FBXL4: variants seen among roughly 807,000 people sequenced by gnomAD.
FBXL4 encodes F-box/LRR-repeat protein 4.
FBXL4 carries 40 observed loss-of-function variants against 58.9 expected under a neutral mutation model. The ratio of observed to expected loss-of-function variants is 0.68; its 90% CI spans 0.53 to 0.88. FBXL4 has a LOEUF of 0.88. FBXL4 is among the 40% of genes least tolerant of loss of function. The pLI, the probability that FBXL4 is intolerant of heterozygous loss-of-function variation, is 0.00. For missense variants in FBXL4, 676 were observed against 734.4 expected, an observed-to-expected ratio of 0.92 and a Z score of 0.92; for synonymous variants, 263 against 265.5, an observed-to-expected ratio of 0.99 and a Z score of 0.09.
chr6:98,884,924 A>G (rs1770982525), intron 7 of FBXL4, among the ~76,000 whole-genome samples: 1 of 152,162 alleles, frequency 6.6e-6, no homozygotes, highest in African/African-American at 2.4e-5. Context: ...TTCCTTCCAG[A>G]GGTAGAGCTT....
chr6:98,918,189 CTTTAT>C (rs767091455), intron 4 of FBXL4, among the ~76,000 whole-genome samples: 13 of 152,088 alleles, frequency 8.5e-5, no homozygotes, highest in African/African-American at 1.7e-4. Flanking sequence ...ATCTTTTTCT[CTTTAT>C]TTTATCAAAT....
intron 2 of FBXL4, among the ~76,000 whole-genome samples, chr6:98,930,757 G>A (rs978153626): frequency 6.6e-6 from 1 of 152,098 alleles, no homozygotes; most frequent in African/African-American, 2.4e-5. Context: ...AAAACAGACA[G>A]ACAACTTTTT....
At chr6:98,913,511 T>C (rs1772190854) in intron 5 of FBXL4, among the ~76,000 whole-genome samples, 1 of 152,088 alleles carries the variant, frequency 6.6e-6, no homozygotes, top group Non-Finnish European at 1.5e-5. Flanking sequence ...ATTAAGAAAC[T>C]CACTCAAAAC....
In FBXL4 at chr6:98,883,559, T is replaced by C. The variant is rs571172002; in HGVS notation, c.1318-2935A>G. 3.3e-5 allele frequency among the ~76,000 whole-genome samples: 5 copies of C among 152,042 alleles called. No homozygotes were observed. The South Asian group carries it at 1.0e-3, about 32-fold the overall frequency. On this transcript the variant is annotated intron_variant, in intron 7 of 9. Coordinates refer to ENST00000369244, the MANE Select transcript of FBXL4 (RefSeq NM_001278716.2). Reference sequence around the variant, plus strand: ...AAATCAGAGTTTTAGAGTCTTTCTTTTTTGCACTTAGGTTTTTAACCCAAC... The same window carrying C: ...AAATCAGAGTTTTAGAGTCTTTCTTCTTTGCACTTAGGTTTTTAACCCAAC...
intron 7 of FBXL4, among the ~76,000 whole-genome samples, chr6:98,896,119 C>T (rs558561127): frequency 1.4e-4 from 22 of 152,228 alleles, no homozygotes; most frequent in Non-Finnish European, 2.6e-4. Context: ...CATTTGAAAT[C>T]AATTACTGCT....
At chr6:98,895,831 T>C (rs779914179) in intron 7 of FBXL4, among the ~76,000 whole-genome samples, 1 of 152,162 alleles carries the variant, frequency 6.6e-6, no homozygotes, top group African/African-American at 2.4e-5. Flanking sequence ...TAAAATGGCA[T>C]AAATATACTA....
intron 8 of FBXL4, among the ~76,000 whole-genome samples, chr6:98,876,288 T>C (rs1243769462): frequency 2.6e-5 from 4 of 152,192 alleles, no homozygotes; most frequent in Admixed American, 6.5e-5. Context: ...CTGTCAGTTA[T>C]TGGAGGTGTC....
chr6:98,924,552 G>A (rs1159466969), intron 4 of FBXL4, among the ~76,000 whole-genome samples: 2 of 152,104 alleles, frequency 1.3e-5, no homozygotes, highest in African/African-American at 2.4e-5. Flanking sequence ...GTGAGACCCT[G>A]TCTCAAAACA....
chr6:98,920,145 T>C (rs998840557), intron 4 of FBXL4, among the ~76,000 whole-genome samples: 5 of 152,262 alleles, frequency 3.3e-5, no homozygotes, highest in Non-Finnish European at 7.4e-5. Context: ...TTAAAAATTA[T>C]AAATATAAAC....
chr6:98,893,533 C>G (rs1241360264), intron 7 of FBXL4, among the ~76,000 whole-genome samples: 2 of 152,128 alleles, frequency 1.3e-5, no homozygotes, highest in Non-Finnish European at 2.9e-5. Flanking sequence ...CTTTAAAAAC[C>G]CTGTCTCAAA....
At chr6:98,910,179 T>G (rs901896807) in intron 5 of FBXL4, among the ~76,000 whole-genome samples, 3 of 152,316 alleles carry the variant, frequency 2.0e-5, no homozygotes, top group Admixed American at 6.5e-5. Flanking sequence ...ACAGAAATGC[T>G]TGGCCCTACT....
At chr6:98,944,602 C>T (rs894807959) in intron 1 of FBXL4, among the ~76,000 whole-genome samples, 2 of 152,104 alleles carry the variant, frequency 1.3e-5, no homozygotes, top group African/African-American at 4.8e-5. Flanking sequence ...GAGGCACTGA[C>T]GGCCTTTATT....
intron 7 of FBXL4, among the ~76,000 whole-genome samples, chr6:98,893,194 T>C (rs1242667243): frequency 6.6e-6 from 1 of 152,214 alleles, no homozygotes; most frequent in African/African-American, 2.4e-5. Context: ...GACACTCTCA[T>C]GCACTATGTT....
At chr6:98,945,797 T>C (rs1183533917) in intron 1 of FBXL4, among the ~76,000 whole-genome samples, 1 of 152,168 alleles carries the variant, frequency 6.6e-6, no homozygotes, top group Non-Finnish European at 1.5e-5. Context: ...CTACAGTTAC[T>C]ATGACACGGT....
intron 7 of FBXL4, chr6:98,897,438 T>C: frequency 1.4e-6 from 1 of 734,672 alleles, no homozygotes; most frequent in Non-Finnish European, 1.7e-6. Context: ...TGTCTTCACC[T>C]AGATTACCAA....
intron 7 of FBXL4, among the ~76,000 whole-genome samples, chr6:98,892,171 T>C (rs1049508604): frequency 6.6e-6 from 1 of 152,228 alleles, no homozygotes; most frequent in Non-Finnish European, 1.5e-5. Context: ...TTAAAACTAT[T>C]GATTCTTGAT....
chr6:98,887,260 T>G (rs1771073068), intron 7 of FBXL4, among the ~76,000 whole-genome samples: 1 of 152,120 alleles, frequency 6.6e-6, no homozygotes, highest in African/African-American at 2.4e-5. Context: ...AGCAAGAACC[T>G]GTCTGCAAAA....
intron 5 of FBXL4, among the ~76,000 whole-genome samples, chr6:98,915,724 G>A (rs195814): frequency 0.69 from 104,515 of 151,946 alleles, 36,795 homozygotes; most frequent in African/African-American, 0.85. Context: ...ACCTTAGAAG[G>A]AAACCTAGGC....
intron 2 of FBXL4, among the ~76,000 whole-genome samples, chr6:98,929,588 G>A (rs866264591): frequency 6.4e-4 from 89 of 138,582 alleles, no homozygotes; most frequent in African/African-American, 2.1e-3. Flanking sequence ...AAAAAAAAAA[G>A]AAAGAAAGAA....
Sources: allele counts gnomAD v4.1 joint callset (sites outside exome capture counted in the v4.1 genomes callset), GRCh38; gene constraint gnomAD v4.1.1; transcripts MANE v1.5; gene names NCBI Gene and HGNC (gene_info 2026-07-23, HGNC 2026-07-21).